GRIP1: variants seen among roughly 807,000 people sequenced by gnomAD.
GRIP1 encodes the protein glutamate receptor interacting protein 1.
In GRIP1, 45 loss-of-function variants were observed where a neutral mutation model predicts 129.9. The observed-to-expected ratio is 0.35, with a 90% CI of 0.27 to 0.44. GRIP1 has a LOEUF of 0.44. GRIP1 is among the 20% of genes least tolerant of loss of function. The pLI is 1.00. For missense variants in GRIP1, 1,196 were observed against 1,396.8 expected (o/e 0.86, Z 2.29); for synonymous variants, 530 against 520.8 (o/e 1.02, Z -0.24).
intron 1 of GRIP1, among the ~76,000 whole-genome samples, chr12:66,869,374 C>T (rs1592916828): frequency 6.6e-6 from 1 of 151,968 alleles, no homozygotes; most frequent in African/African-American, 2.4e-5. Flanking sequence ...ACATACCTTT[C>T]CAAGTGAATT....
At chr12:66,530,069 G>A (rs1285878155) in intron 4 of GRIP1, among the ~76,000 whole-genome samples, 155 bp from the exon 5 acceptor site, 1 of 152,084 alleles carries the variant, frequency 6.6e-6, no homozygotes, top group Non-Finnish European at 1.5e-5. Context: ...TTAAAAAACT[G>A]TAATGACATA....
intron 1 of GRIP1, among the ~76,000 whole-genome samples, chr12:66,715,471 T>TGAGAGAGAGAGAGAGA (rs71447469): frequency 5.4e-5 from 6 of 110,136 alleles, no homozygotes; most frequent in African/African-American, 2.0e-4. Flanking sequence ...TGTGTGTGTG[T>TGAGAGAGAGAGAGAGA]GAGAGAGAGA....
In GRIP1 at chr12:67,027,641, T is replaced by C. The variant is rs141551906; in HGVS notation, c.58+41409A>G. On this transcript the variant is annotated intron_variant, in intron 1 of 1. Coordinates refer to the GRIP1 transcript ENST00000643019. ...GAAAGCATAGATCTTTGATGATCCC[T>C]AAGGAAATAAGGAAGGAGTCAAAGT... Among the ~76,000 whole-genome samples the C allele has an allele frequency of 3.9e-4, 60 of 152,240 alleles. No individual in the cohort carries two copies. In the East Asian group the frequency reaches 0.011, roughly 28 times the overall value.
At chr12:66,402,924 A>G (rs541213734) in intron 16 of GRIP1, among the ~76,000 whole-genome samples, 2 of 152,326 alleles carry the variant, frequency 1.3e-5, no homozygotes, top group East Asian at 3.9e-4. Flanking sequence ...TCAGGAGGTA[A>G]TTAGAATACA....
intron 1 of GRIP1, among the ~76,000 whole-genome samples, chr12:66,907,979 T>C (rs565054903): frequency 6.6e-6 from 1 of 152,224 alleles, no homozygotes; most frequent in Non-Finnish European, 1.5e-5. Context: ...ATTAGCAAAA[T>C]TGGGTTACCC....
intron 1 of GRIP1, among the ~76,000 whole-genome samples, chr12:67,061,042 G>A (rs536819911): frequency 6.6e-6 from 1 of 152,260 alleles, no homozygotes; most frequent in Non-Finnish European, 1.5e-5. Context: ...CCAGAAATGA[G>A]GCTGCCTTGG....
intron 7 of GRIP1, among the ~76,000 whole-genome samples, chr12:66,507,704 A>C (rs2060572313): frequency 6.6e-6 from 1 of 152,202 alleles, no homozygotes; most frequent in Admixed American, 6.5e-5. Context: ...GCGTATAAGT[A>C]AGGACTACCC....
intron 21 of GRIP1, 39 bp downstream of exon 21, chr12:66,377,135 T>A: frequency 6.4e-7 from 1 of 1,561,620 alleles, no homozygotes; most frequent in Non-Finnish European, 8.8e-7. Context: ...AAAAAATGAA[T>A]GTAGAAACAA....
intron 4 of GRIP1, among the ~76,000 whole-genome samples, chr12:66,537,291 A>C (rs367833880): frequency 8.1e-4 from 124 of 152,260 alleles, no homozygotes; most frequent in African/African-American, 2.9e-3. Context: ...GTAGCTAGTA[A>C]AATGTGGAGC....
At chr12:66,774,546 T>A (rs1471245970) in intron 1 of GRIP1, among the ~76,000 whole-genome samples, 1 of 152,210 alleles carries the variant, frequency 6.6e-6, no homozygotes. Flanking sequence ...TGCACAGGCC[T>A]AAGCAAGTGG....
chr12:66,355,534 A>T (rs2054446855), intron 23 of GRIP1, among the ~76,000 whole-genome samples: 1 of 152,104 alleles, frequency 6.6e-6, no homozygotes, highest in African/African-American at 2.4e-5. Context: ...TGTGTAGCCT[A>T]GTGACACCAG....
chr12:66,521,600 C>T (rs970623224), intron 5 of GRIP1, among the ~76,000 whole-genome samples: 7 of 152,196 alleles, frequency 4.6e-5, no homozygotes, highest in African/African-American at 1.2e-4. Flanking sequence ...GTGATTTCTG[C>T]ATTTCCATCT....
chr12:66,562,947 G>A (rs1384558249), intron 2 of GRIP1, among the ~76,000 whole-genome samples: 1 of 151,782 alleles, frequency 6.6e-6, no homozygotes, highest in Non-Finnish European at 1.5e-5. Flanking sequence ...TATTTATTAA[G>A]TGGAAGAGGA....
intron 7 of GRIP1, among the ~76,000 whole-genome samples, chr12:66,487,466 G>C (rs563022873): frequency 6.6e-6 from 1 of 152,184 alleles, no homozygotes; most frequent in Admixed American, 6.5e-5. Flanking sequence ...TGCTTTGCAA[G>C]AGCTCCTAAA....
At chr12:66,781,189 C>T (rs1592839391) in intron 1 of GRIP1, among the ~76,000 whole-genome samples, 1 of 152,228 alleles carries the variant, frequency 6.6e-6, no homozygotes, top group Non-Finnish European at 1.5e-5. Flanking sequence ...ATAAAACAAA[C>T]TCAATCCCAG....
chr12:66,447,721 T>C (rs193280401), intron 11 of GRIP1, among the ~76,000 whole-genome samples: 19 of 152,268 alleles, frequency 1.2e-4, no homozygotes, highest in Non-Finnish European at 2.4e-4. Flanking sequence ...TTGCTGCTTT[T>C]CCAAACTTTT....
intron 1 of GRIP1, among the ~76,000 whole-genome samples, chr12:66,670,441 A>G (rs11615548): frequency 0.14 from 21,339 of 152,254 alleles, 1,577 homozygotes; most frequent in Non-Finnish European, 0.16. Flanking sequence ...TCCACTGGAA[A>G]TCCTACGTTA....
chr12:66,401,598 G>GTGTATATATATATATATATATATATA lies in GRIP1; in HGVS notation c.1984+4684_1984+4685insTATATATATATATATATATATATACA, dbSNP rs71096098. Among the ~76,000 whole-genome samples the GTGTATATATATATATATATATATATA allele has an allele frequency of 1.0e-3, 67 of 66,258 alleles. 3 individuals are homozygous for GTGTATATATATATATATATATATATA. Among genetic ancestry groups the GTGTATATATATATATATATATATATA allele is most frequent in the African/African-American group, 3.7e-3 (61 of 16,328 alleles). The allele number at this position is 66,258 out of a possible 152,430, so 43.5% of individuals were successfully genotyped here. On this transcript the variant is annotated intron_variant, in intron 16 of 24. Transcript: ENST00000359742. ...CCGTCTCAAAAAAAAAAATATGTGT[G>GTGTATATATATATATATATATATATA]TATATATATATACACACACACACAC...
intron 1 of GRIP1, among the ~76,000 whole-genome samples, chr12:66,631,230 G>A (rs752143940): frequency 6.6e-6 from 1 of 152,082 alleles, no homozygotes; most frequent in Non-Finnish European, 1.5e-5. Flanking sequence ...GAGCCATCGC[G>A]CCTGGCTAAA....
Sources: allele counts gnomAD v4.1 joint callset (sites outside exome capture counted in the v4.1 genomes callset), GRCh38; gene constraint gnomAD v4.1.1; transcripts MANE v1.5; gene names NCBI Gene and HGNC (gene_info 2026-07-23, HGNC 2026-07-21).